The following TNR variants were observed in gnomAD, a reference collection of about 807,000 sequenced individuals.
TNR encodes the protein tenascin R, also known as tenascin-R.
Under a neutral mutation model 150.4 loss-of-function variants are expected in TNR, and 45 were observed. That is an observed-to-expected ratio of 0.30 (90% confidence interval 0.24 to 0.38). The LOEUF (loss-of-function observed/expected upper bound fraction) is 0.38, where lower values mean the gene tolerates loss of function less well. Among genes scored for constraint, TNR ranks in the 10% least tolerant of loss-of-function variants. The pLI, the probability that TNR is intolerant of heterozygous loss-of-function variation, is 1.00. For synonymous variants in TNR, 687 were observed against 678.4 expected (o/e 1.01, Z -0.20); for missense variants, 1,544 against 1,759.1 (o/e 0.88, Z 2.19).
At chr1:175,671,048 G>A (rs1021441933) in intron 1 of TNR, among the ~76,000 whole-genome samples, 7 of 152,118 alleles carry the variant, frequency 4.6e-5, no homozygotes, top group African/African-American at 1.7e-4. Flanking sequence ...GATGGAGAGA[G>A]GAGGACAGGA....
chr1:175,573,399 G>T (rs1003085322), intron 1 of TNR, among the ~76,000 whole-genome samples: 3 of 152,220 alleles, frequency 2.0e-5, no homozygotes, highest in African/African-American at 7.2e-5. Context: ...CAGGATGGTG[G>T]CTGAGTAATA....
intron 7 of TNR, among the ~76,000 whole-genome samples, chr1:175,386,509 G>A (rs1652940199): frequency 6.6e-6 from 1 of 152,160 alleles, no homozygotes; most frequent in African/African-American, 2.4e-5. Flanking sequence ...CCTGAATTTT[G>A]GTCTAACTGC....
intron 2 of TNR, among the ~76,000 whole-genome samples, chr1:175,440,657 G>A (rs1200868779): frequency 6.6e-6 from 1 of 152,056 alleles, no homozygotes; most frequent in Non-Finnish European, 1.5e-5. Flanking sequence ...CCAAAAGAGA[G>A]GATTCATTGA....
chr1:175,644,789 G>A (rs2101884039), intron 1 of TNR, among the ~76,000 whole-genome samples: 1 of 152,348 alleles, frequency 6.6e-6, no homozygotes, highest in Non-Finnish European at 1.5e-5. Context: ...TTGAAGTGCT[G>A]TGGCATGCTG....
intron 2 of TNR, among the ~76,000 whole-genome samples, chr1:175,522,982 T>C (rs1200037281): frequency 6.6e-6 from 1 of 152,234 alleles, no homozygotes. Context: ...AGTAAGTACT[T>C]AGCTTAATCA....
At chr1:175,577,254 C>G (rs1662155590) in intron 1 of TNR, among the ~76,000 whole-genome samples, 1 of 152,188 alleles carries the variant, frequency 6.6e-6, no homozygotes, top group Admixed American at 6.5e-5. Context: ...AGTTCAATAA[C>G]TTCCCCCACA....
At chr1:175,493,165 AGG>A (rs1658334366) in intron 2 of TNR, among the ~76,000 whole-genome samples, 1 of 152,222 alleles carries the variant, frequency 6.6e-6, no homozygotes, top group East Asian at 1.9e-4. Context: ...CAAGATGCTC[AGG>A]GTTGCACGGA....
At chr1:175,365,315 G>A (rs369446372) in intron 11 of TNR, 36 bp from the exon 12 acceptor site, 128 of 1,558,164 alleles carry the variant, frequency 8.2e-5, no homozygotes, top group Non-Finnish European at 9.7e-5. Context: ...CCTGAAACAC[G>A]TGAGGAGATG....
chr1:175,386,080 C>A lies in TNR; in HGVS notation c.1729G>T (p.Val577Phe). The A allele has an allele frequency of 1.9e-6, 3 of 1,610,212 alleles. No homozygotes were observed. The highest frequency in any genetic ancestry group is 2.5e-6 in the Non-Finnish European group (3 of 1,177,102). ...GSRYEVSVSA[V>F]RGTNESDSAT... ...GAATCGCTCTCGTTGGTCCCTCGGA[C>A]GGCACTGACTGACACCTCGTATCGG... is the stretch of plus-strand genomic sequence containing the variant. Residue 577 changes from valine to phenylalanine, a missense_variant, in exon 8 of 23, where the codon GTC (valine) becomes TTC (phenylalanine). Coordinates refer to ENST00000367674, the MANE Select transcript of TNR (RefSeq NM_003285.3).
At chr1:175,407,579 CAG>C (rs2102049982) in intron 2 of TNR, among the ~76,000 whole-genome samples, 1 of 152,268 alleles carries the variant, frequency 6.6e-6, no homozygotes, top group African/African-American at 2.4e-5. Context: ...CTATGCAAAA[CAG>C]AAAAGAGATT....
chr1:175,393,709 C>A, intron 6 of TNR, 71 bp downstream of exon 6: 1 of 1,258,414 alleles, frequency 7.9e-7, no homozygotes, highest in Non-Finnish European at 1.2e-6. Flanking sequence ...TTCCTTGCTG[C>A]CCCTGATTCC....
chr1:175,325,522 A>G (rs576802710), intron 21 of TNR, among the ~76,000 whole-genome samples: 6 of 152,350 alleles, frequency 3.9e-5, no homozygotes, highest in African/African-American at 1.4e-4. Flanking sequence ...TACTGGGTAT[A>G]TACTCAAAGG....
chr1:175,580,788 T>C (rs1662322103), intron 1 of TNR, among the ~76,000 whole-genome samples: 1 of 152,270 alleles, frequency 6.6e-6, no homozygotes, highest in African/African-American at 2.4e-5. Flanking sequence ...CAGCTTGCCC[T>C]GCCCTGGCAT....
intron 1 of TNR, among the ~76,000 whole-genome samples, chr1:175,593,975 A>G (rs1662909084): frequency 6.6e-6 from 1 of 152,220 alleles, no homozygotes; most frequent in Non-Finnish European, 1.5e-5. Flanking sequence ...AAAAAGCCAC[A>G]TGGTAGATCT....
chr1:175,581,703 A>G (rs1269621271), intron 1 of TNR, among the ~76,000 whole-genome samples: 2 of 152,190 alleles, frequency 1.3e-5, no homozygotes, highest in Non-Finnish European at 2.9e-5. Context: ...TTCCATTTTT[A>G]TATTTGCAAA....
At chr1:175,740,330 T>C (rs751120806) in intron 1 of TNR, among the ~76,000 whole-genome samples, 4 of 152,244 alleles carry the variant, frequency 2.6e-5, no homozygotes, top group Non-Finnish European at 5.9e-5. Context: ...AGGGAACTTT[T>C]ATACATCTTT....
intron 2 of TNR, among the ~76,000 whole-genome samples, chr1:175,526,835 C>T (rs2102175361): frequency 6.6e-6 from 1 of 152,312 alleles, no homozygotes; most frequent in South Asian, 2.1e-4. Flanking sequence ...CCTGCAATTC[C>T]AACACCAAGC....
At chr1:175,372,659 G>T (rs1652161318) in intron 9 of TNR, among the ~76,000 whole-genome samples, 1 of 152,362 alleles carries the variant, frequency 6.6e-6, no homozygotes, top group East Asian at 1.9e-4. Flanking sequence ...GCTGTCGCTA[G>T]CAGGGAAAGT....
In TNR at chr1:175,362,719, A is replaced by G; in HGVS notation, c.2798T>C (p.Leu933Pro). ...LNPATEYEIS[L>P]NSVRGREESE... is the part of the protein sequence containing the mutation. ...TTCCTCCCTGCCCCGCACGCTGTTG[A>G]GGCTGATTTCGTATTCGGTAGCTGG... Residue 933 changes from leucine to proline, a missense_variant, in exon 14 of 23, where the codon CTC becomes CCC. By Grantham distance (98) the Leu-to-Pro change is moderately conservative. This residue lies in a region of TNR where 1,254 missense variants were observed against 1,329.4 expected (regional missense o/e 0.94). Coordinates refer to ENST00000367674, the MANE Select transcript of TNR (RefSeq NM_003285.3). 1.2e-6 allele frequency: 2 copies of G among 1,614,094 alleles called. No individual in the cohort carries two copies. The highest frequency in any genetic ancestry group is 8.5e-7 in the Non-Finnish European group (1 of 1,180,006).
Sources: gnomAD v4.1 joint callset for allele counts (sites outside exome capture counted in the v4.1 genomes callset) on GRCh38, gnomAD v4.1.1 for gene constraint, gnomAD v4.1.1 regional missense constraint, MANE v1.5 for transcripts, NCBI Gene and HGNC (gene_info 2026-07-23, HGNC 2026-07-21) for gene names.